Variants in TANC1 observed in about 807,000 individuals in gnomAD.
The protein encoded by TANC1 is protein TANC1.
TANC1 carries 77 observed loss-of-function variants against 149.7 expected under a neutral mutation model. The observed-to-expected ratio is 0.51, with a 90% CI of 0.43 to 0.62. The LOEUF (loss-of-function observed/expected upper bound fraction) is 0.62, where lower values mean the gene tolerates loss of function less well. Ranked by LOEUF, TANC1 falls within the 20% of genes least tolerant of loss-of-function variation. The pLI is 0.00. For synonymous variants in TANC1, 854 were observed against 925.0 expected (o/e 0.92, Z 1.39); for missense variants, 1,985 against 2,321.8 (o/e 0.85, Z 2.98).
intron 2 of TANC1, among the ~76,000 whole-genome samples, chr2:159,006,726 A>C (rs2037217359): frequency 6.6e-6 from 1 of 152,162 alleles, no homozygotes; most frequent in African/African-American, 2.4e-5. Context: ...TTTTTGAAGG[A>C]GAGTTTATTA....
At chr2:159,146,609 C>T (rs1035499584) in intron 5 of TANC1, among the ~76,000 whole-genome samples, 6 of 146,228 alleles carry the variant, frequency 4.1e-5, no homozygotes, top group Middle Eastern at 3.5e-3. Context: ...GGCACAATCT[C>T]GGCTCACTGC....
chr2:159,096,073 A>G (rs1574631164), intron 3 of TANC1, among the ~76,000 whole-genome samples: 2 of 152,292 alleles, frequency 1.3e-5, no homozygotes, highest in Middle Eastern at 6.8e-3. Flanking sequence ...CTTTTGTCAT[A>G]GAGACTGGTG....
chr2:159,136,683 G>C (rs1367851880), intron 5 of TANC1, among the ~76,000 whole-genome samples: 2 of 151,110 alleles, frequency 1.3e-5, no homozygotes, highest in Non-Finnish European at 2.9e-5. Flanking sequence ...AACCTTAACT[G>C]GACAAAGCAT....
intron 1 of TANC1, among the ~76,000 whole-genome samples, chr2:158,993,995 A>G (rs368955863): frequency 2.0e-5 from 3 of 152,230 alleles, no homozygotes; most frequent in East Asian, 3.8e-4. Context: ...TTTAATATGA[A>G]AAACCTTTCT....
chr2:159,102,712 CTTTTTTT>C (rs755803794), intron 4 of TANC1, among the ~76,000 whole-genome samples: 31 of 27,100 alleles, frequency 1.1e-3, no homozygotes, highest in African/African-American at 3.8e-3. Context: ...TGGATATTTG[CTTTTTTT>C]TTTTTTTTTT....
intron 22 of TANC1, among the ~76,000 whole-genome samples, chr2:159,222,786 G>A (rs1423632395): frequency 6.6e-6 from 1 of 152,130 alleles, no homozygotes; most frequent in African/African-American, 2.4e-5. Flanking sequence ...TATAGTGATT[G>A]TATTTTTAAT....
At chr2:159,149,026 C>A in intron 5 of TANC1, 116 bp from the exon 6 acceptor site, 1 of 1,237,566 alleles carries the variant, frequency 8.1e-7, no homozygotes, top group Non-Finnish European at 1.1e-6. Context: ...ACTTTGTGCG[C>A]ATTTTATAGA....
Position 159,217,532 on chromosome 2 carries a change from G to T in TANC1, c.3280G>T (p.Val1094Phe). 1 of 1,614,238 alleles carries T rather than the reference G, an allele frequency of 6.2e-7. No individual in the cohort carries two copies. The highest frequency in any genetic ancestry group is 8.5e-7 in the Non-Finnish European group (1 of 1,180,048). The change falls in exon 20 of 27, where the codon GTC (valine) becomes TTC (phenylalanine). Residue 1094 changes from valine to phenylalanine, a missense_variant. Transcript: ENST00000263635. ...CGCCGCAGGAAGAGGGAAGCTGGAG[G>T]TCTGTGAGCTGCTGCTGGGGCATGG... ...TAAAGRGKLE[V>F]CELLLGHGAA...
At chr2:159,076,999 T>G (rs2043759405) in intron 3 of TANC1, among the ~76,000 whole-genome samples, 1 of 151,980 alleles carries the variant, frequency 6.6e-6, no homozygotes, top group Non-Finnish European at 1.5e-5. Context: ...TTTTTTTTCC[T>G]TTAGATTTTT....
intron 17 of TANC1, among the ~76,000 whole-genome samples, chr2:159,196,184 C>T (rs1290102000): frequency 6.6e-6 from 1 of 152,198 alleles, no homozygotes; most frequent in East Asian, 1.9e-4. Flanking sequence ...GATCCCCTGG[C>T]TCAGTGACCA....
At chr2:159,175,267 C>A in intron 12 of TANC1, 83 bp downstream of exon 12, 1 of 1,133,704 alleles carries the variant, frequency 8.8e-7, no homozygotes, top group Non-Finnish European at 1.3e-6. Context: ...GGTGGTCAGC[C>A]GGGCTGGGGT....
chr2:159,124,227 G>A (rs1476527345), intron 4 of TANC1, among the ~76,000 whole-genome samples: 1 of 152,112 alleles, frequency 6.6e-6, no homozygotes, highest in African/African-American at 2.4e-5. Context: ...GTGTGGTGGT[G>A]CCTGTCTGTA....
chr2:159,008,644 A>C (rs990765488), intron 2 of TANC1, among the ~76,000 whole-genome samples: 2 of 152,170 alleles, frequency 1.3e-5, no homozygotes, highest in African/African-American at 4.8e-5. Context: ...TAGTTGTCTG[A>C]ATGTATGTGG....
At chr2:159,073,422 C>G (rs1214784753) in intron 3 of TANC1, among the ~76,000 whole-genome samples, 1 of 152,158 alleles carries the variant, frequency 6.6e-6, no homozygotes, top group African/African-American at 2.4e-5. Context: ...TCACCCTGGA[C>G]TAATAAGACC....
At chr2:158,990,105 TG>T (rs770573796) in intron 1 of TANC1, among the ~76,000 whole-genome samples, 2 of 151,946 alleles carry the variant, frequency 1.3e-5, no homozygotes, top group Admixed American at 6.6e-5. Context: ...TTAGTAGAGA[TG>T]GGGTTTCACT....
rs181149635 is a variant in TANC1, at chr2:159,051,513, A to G, written c.-15-14383A>G. Among the ~76,000 whole-genome samples the G allele has an allele frequency of 1.2e-4, 19 of 152,356 alleles. No homozygotes were observed. In the East Asian group the frequency reaches 3.5e-3, roughly 28 times the overall value. On this transcript the variant is annotated intron_variant, in intron 2 of 26. Coordinates refer to ENST00000263635, the MANE Select transcript of TANC1 (RefSeq NM_033394.3). ...TTTAGAGGAAAAACATCTGATGTTC[A>G]TACATGGCGCGTAACATACCTTCAA...
At chr2:159,033,129 C>G (rs149286858) in intron 2 of TANC1, among the ~76,000 whole-genome samples, 1,783 of 152,230 alleles carry the variant, frequency 0.012, 38 homozygotes, top group African/African-American at 0.042. Flanking sequence ...CATCAAGAAG[C>G]CTAGTCTGTG....
chr2:158,980,230 C>T (rs74267594), intron 1 of TANC1, among the ~76,000 whole-genome samples: 12,825 of 151,806 alleles, frequency 0.084, 619 homozygotes, highest in Middle Eastern at 0.11. Flanking sequence ...TATAAATATC[C>T]TGGAAGGGAA....
intron 20 of TANC1, among the ~76,000 whole-genome samples, chr2:159,218,612 GT>G (rs1429449693): frequency 6.6e-6 from 1 of 152,204 alleles, no homozygotes; most frequent in East Asian, 1.9e-4. Context: ...TGGGATGGTG[GT>G]GATGGGATAC....
Sources: gnomAD v4.1 joint callset for allele counts (sites outside exome capture counted in the v4.1 genomes callset) on GRCh38, gnomAD v4.1.1 for gene constraint, MANE v1.5 for transcripts, NCBI Gene and HGNC (gene_info 2026-07-23, HGNC 2026-07-21) for gene names.